Variants in RPS6KA2 observed in about 807,000 individuals in gnomAD.
RPS6KA2 encodes ribosomal protein S6 kinase A2.
Under a neutral mutation model 91.8 loss-of-function variants are expected in RPS6KA2, and 42 were observed. The observed-to-expected ratio is 0.46, with a 90% confidence interval of 0.36 to 0.59. RPS6KA2 has a LOEUF of 0.59. Ranked by LOEUF, RPS6KA2 falls within the 20% of genes least tolerant of loss-of-function variation. The pLI, the probability that RPS6KA2 is intolerant of heterozygous loss-of-function variation, is 0.00. For missense variants in RPS6KA2, 798 were observed against 978.5 expected, an observed-to-expected ratio of 0.82 and a Z score of 2.46; for synonymous variants, 414 against 393.6, an observed-to-expected ratio of 1.05 and a Z score of -0.61.
Position 166,635,949 on chromosome 6 carries a change from C to T in RPS6KA2, c.124-97165G>A, listed in dbSNP as rs528891982. Among the ~76,000 whole-genome samples, 30 of 152,306 alleles carry T rather than the reference C, an allele frequency of 2.0e-4. No individual in the cohort carries two copies. The highest frequency in any genetic ancestry group is 4.8e-4 in the African/African-American group (20 of 41,554). ...CAGGGTGGTCACCTGCTAGCTTGGC[C>T]GCCCATGGCCATTCCACATAAATCC... On this transcript the variant is annotated intron_variant, in intron 2 of 21. Transcript: ENST00000503859. This position sits in a 1 kb window ranked among gnomAD's most constrained non-coding sequence, Gnocchi z 4.8.
intron 2 of RPS6KA2, among the ~76,000 whole-genome samples, chr6:166,712,892 C>T (rs562576402): frequency 2.6e-5 from 4 of 152,204 alleles, no homozygotes; most frequent in Non-Finnish European, 5.9e-5. Context: ...CTCAACACTG[C>T]CTGTGCCTCA....
In RPS6KA2 at chr6:166,531,296, C is replaced by T. The variant is rs776625427; in HGVS notation, c.234G>A (p.Lys78=). 4 of 1,614,012 alleles carry T rather than the reference C, an allele frequency of 2.5e-6. No individual in the cohort carries two copies. The highest frequency in any genetic ancestry group is 3.4e-6 in the Non-Finnish European group (4 of 1,179,894). Reference sequence around the variant, plus strand: ...GCTGCCCAGCGTCGGACCCCTTCACCTTCCTCACCAGGAACACCTTAGCAA... The same window carrying T: ...GCTGCCCAGCGTCGGACCCCTTCACTTTCCTCACCAGGAACACCTTAGCAA... ...GSYGKVFLVR[K]VKGSDAGQLY... is the part of the protein sequence containing the mutation. The change falls in exon 3 of 21, where the codon AAG becomes AAA. Residue 78 remains lysine, a synonymous_variant. Coordinates refer to ENST00000265678, the MANE Select transcript of RPS6KA2 (RefSeq NM_021135.6).
chr6:166,854,277 C>A (rs932692029), intron 2 of RPS6KA2, among the ~76,000 whole-genome samples: 2 of 152,228 alleles, frequency 1.3e-5, no homozygotes, highest in African/African-American at 4.8e-5. Context: ...GGGACCTTCA[C>A]CAGAACTCAC....
intron 2 of RPS6KA2, among the ~76,000 whole-genome samples, chr6:166,742,023 A>G (rs1583066102): frequency 6.6e-6 from 1 of 152,248 alleles, no homozygotes; most frequent in African/African-American, 2.4e-5. Context: ...AGCTACTCAG[A>G]AGGCTGAGGC....
At chr6:166,729,499 C>T (rs1392889024) in intron 2 of RPS6KA2, among the ~76,000 whole-genome samples, 3 of 152,190 alleles carry the variant, frequency 2.0e-5, no homozygotes, top group East Asian at 1.9e-4. Context: ...CAGGTATGCA[C>T]CACTATACCC....
At chr6:166,475,062 C>T (rs9348139) in intron 10 of RPS6KA2, among the ~76,000 whole-genome samples, 29,349 of 152,092 alleles carry the variant, frequency 0.19, 4,397 homozygotes, top group East Asian at 0.52. Flanking sequence ...TCACCGAGTC[C>T]TCCACCTGGG....
chr6:166,450,149 A>G (rs1341882956), intron 13 of RPS6KA2, among the ~76,000 whole-genome samples: 48 of 141,024 alleles, frequency 3.4e-4, no homozygotes, highest in Middle Eastern at 4.3e-3. Flanking sequence ...GAACCACCAC[A>G]GGGACCACCA....
At chr6:166,414,033 A>C (rs1778413634) in intron 19 of RPS6KA2, 102 bp from the exon 20 acceptor site, 1 of 1,047,252 alleles carries the variant, frequency 9.5e-7, no homozygotes, top group African/African-American at 1.6e-5. Context: ...GCAACACCCA[A>C]CCACTATGCT....
At chr6:166,558,356 G>A (rs907329258) in intron 1 of RPS6KA2, among the ~76,000 whole-genome samples, 1 of 152,140 alleles carries the variant, frequency 6.6e-6, no homozygotes, top group African/African-American at 2.4e-5. Flanking sequence ...CCTTTGCTCT[G>A]TTCAGACTTT....
At chr6:166,860,960 C>A (rs1218470122) in intron 1 of RPS6KA2, among the ~76,000 whole-genome samples, 1 of 152,134 alleles carries the variant, frequency 6.6e-6, no homozygotes, top group African/African-American at 2.4e-5. Flanking sequence ...CTTCTCCCAC[C>A]CCAGGTACTT....
Position 166,433,314 on chromosome 6 carries a change from C to T in RPS6KA2, c.1333-824G>A, listed in dbSNP as rs970625316. On this transcript the variant is annotated intron_variant, in intron 14 of 20. Transcript: ENST00000265678. The surrounding 1 kb of genome is among the most constrained non-coding windows in gnomAD (Gnocchi z 4.4). ...CCCTCCCCCGCCCAGCATCTGTATC[C>T]GATGTCTTAGGATAACAGATAAAGT... 1.3e-5 allele frequency among the ~76,000 whole-genome samples: 2 copies of T among 152,138 alleles called. No homozygotes were observed. Among genetic ancestry groups the T allele is most frequent in the African/African-American group, 2.4e-5 (1 of 41,418 alleles).
intron 2 of RPS6KA2, among the ~76,000 whole-genome samples, chr6:166,828,772 T>C (rs1269167770): frequency 1.3e-5 from 2 of 152,212 alleles, no homozygotes; most frequent in Non-Finnish European, 2.9e-5. Context: ...CGGGTAATGA[T>C]TTCTTGGATA....
At chr6:166,693,521 T>C (rs1460067596) in intron 2 of RPS6KA2, among the ~76,000 whole-genome samples, 1 of 152,166 alleles carries the variant, frequency 6.6e-6, no homozygotes, top group Non-Finnish European at 1.5e-5. Context: ...TGTTCCATAT[T>C]TGTGGACTGC....
intron 13 of RPS6KA2, among the ~76,000 whole-genome samples, chr6:166,449,863 G>GAC (rs1367188464): frequency 7.6e-6 from 1 of 131,816 alleles, no homozygotes; most frequent in South Asian, 3.0e-4. Flanking sequence ...ACCACCATGG[G>GAC]AACCACCACG....
At chr6:166,572,953 C>T (rs547357760) in intron 1 of RPS6KA2, among the ~76,000 whole-genome samples, 26 of 152,338 alleles carry the variant, frequency 1.7e-4, no homozygotes, top group African/African-American at 6.0e-4. Flanking sequence ...GGAGCCCCTG[C>T]GTGGTCAGAG....
chr6:166,551,945 G>A (rs1784034082), intron 1 of RPS6KA2, among the ~76,000 whole-genome samples: 1 of 152,232 alleles, frequency 6.6e-6, no homozygotes, highest in Non-Finnish European at 1.5e-5. Flanking sequence ...GCGACAAACT[G>A]AAGTCGTTGA....
In RPS6KA2 at chr6:166,418,339, A is replaced by G. The variant is rs1778609859; in HGVS notation, c.1824T>C (p.Phe608=). 6.2e-7 allele frequency: 1 copy of G among 1,608,188 alleles called. No individual in the cohort carries two copies. ...GILLYTMLAG[F]TPFANGPDDT... ...CGTCTGGCCCATTTGCAAAAGGGGT[A>G]AATCTGTATAATTAGACAAATTTGT... is the stretch of plus-strand genomic sequence containing the variant. Residue 608 remains phenylalanine (F), a synonymous_variant, in exon 19 of 21, where the codon TTT becomes TTC. Coordinates refer to ENST00000265678, the MANE Select transcript of RPS6KA2 (RefSeq NM_021135.6). The surrounding 1 kb of genome is among the most constrained non-coding windows in gnomAD (Gnocchi z 4.9).
chr6:166,669,601 C>T (rs543788001), intron 2 of RPS6KA2, among the ~76,000 whole-genome samples: 11 of 152,336 alleles, frequency 7.2e-5, no homozygotes, highest in African/African-American at 2.2e-4. Flanking sequence ...TAGTAGCCTG[C>T]ACTTCCAAGT....
At chr6:166,816,485 G>A (rs1779768542) in intron 2 of RPS6KA2, among the ~76,000 whole-genome samples, 1 of 151,530 alleles carries the variant, frequency 6.6e-6, no homozygotes, top group Non-Finnish European at 1.5e-5. Context: ...AACCCAGGAG[G>A]TGGAGGTTGT....
Sources: gnomAD v4.1 joint callset for allele counts (sites outside exome capture counted in the v4.1 genomes callset) on GRCh38, gnomAD v4.1.1 for gene constraint, Gnocchi (gnomAD v3.1) non-coding constraint, MANE v1.5 for transcripts, NCBI Gene and HGNC (gene_info 2026-07-23, HGNC 2026-07-21) for gene names.